Variants in MAF observed in about 807,000 individuals in gnomAD.
The protein encoded by MAF is MAF bZIP transcription factor.
Under a neutral mutation model 22.0 loss-of-function variants are expected in MAF, and 10 were observed. That is an observed-to-expected ratio of 0.45 (90% CI 0.28 to 0.77). The LOEUF is 0.77. Among genes scored for constraint, MAF ranks in the 30% least tolerant of loss-of-function variants. The probability of loss-of-function intolerance (pLI) is 0.12; values close to 1 mark genes in which losing one functional copy is unlikely to be tolerated. For missense variants in MAF, 544 were observed against 548.4 expected, an observed-to-expected ratio of 0.99 and a Z score of 0.08; for synonymous variants, 337 against 255.8, an observed-to-expected ratio of 1.32 and a Z score of -3.03.
At chr16:79,500,463 A>G in the MAF span, among the ~76,000 whole-genome samples, 12 of 152,134 alleles carry the variant, frequency 7.9e-5, no homozygotes, top group Non-Finnish European at 1.2e-4. Context: ...CGCAGACACC[A>G]TGTGTCATAC....
the MAF span, among the ~76,000 whole-genome samples, chr16:79,267,496 C>T: frequency 5.0e-3 from 760 of 152,266 alleles, 5 homozygotes; most frequent in Admixed American, 7.6e-3. Flanking sequence ...CCCGCTGCTG[C>T]GGGGCTGTTG....
the MAF span, among the ~76,000 whole-genome samples, chr16:79,456,487 T>A: frequency 6.6e-6 from 1 of 152,088 alleles, no homozygotes; most frequent in African/African-American, 2.4e-5. Context: ...TCCAGTGGGA[T>A]CCCCTTACAT....
the MAF span, among the ~76,000 whole-genome samples, chr16:79,232,661 A>G: frequency 6.6e-6 from 1 of 151,934 alleles, no homozygotes; most frequent in East Asian, 1.9e-4. Context: ...CAAAATAAAA[A>G]TAGTCAATTC....
chr16:79,307,407 G>A, the MAF span, among the ~76,000 whole-genome samples: 1 of 152,212 alleles, frequency 6.6e-6, no homozygotes, highest in Non-Finnish European at 1.5e-5. Context: ...CTCACGGGCT[G>A]GACTTCTGCT....
At chr16:79,211,836 G>C in the MAF span, 3 of 1,612,624 alleles carry the variant, frequency 1.9e-6, no homozygotes, top group Middle Eastern at 1.6e-4. Context: ...CCCGCCCTGT[G>C]TGTGTCCCCT....
the MAF span, among the ~76,000 whole-genome samples, chr16:79,402,305 G>T: frequency 6.6e-6 from 1 of 152,196 alleles, no homozygotes; most frequent in African/African-American, 2.4e-5. Context: ...GTTACCCAGG[G>T]TTTAAACCCA....
chr16:79,408,328 C>A, the MAF span, among the ~76,000 whole-genome samples: 1 of 151,962 alleles, frequency 6.6e-6, no homozygotes, highest in Admixed American at 6.6e-5. Flanking sequence ...AGGTGCCTGC[C>A]ACCACGCCCA....
chr16:79,224,668 G>C, the MAF span, among the ~76,000 whole-genome samples: 2 of 152,138 alleles, frequency 1.3e-5, no homozygotes, highest in South Asian at 2.1e-4. Flanking sequence ...AAAGTCTCAG[G>C]ATACAAAATC....
Position 79,599,297 on chromosome 16 carries a change from GGCGCCGGGC to G in MAF, c.597_605del (p.Pro200_Ala202del). The G allele has an allele frequency of 7.1e-6, 7 of 980,332 alleles. No individual in the cohort carries two copies. Among genetic ancestry groups the G allele is most frequent in the Non-Finnish European group, 7.2e-6 (6 of 828,328 alleles). The allele number at this position is 980,332 out of a possible 1,614,324, so 60.7% of individuals were successfully genotyped here. A position where few individuals can be genotyped will look rare whatever the true frequency, so the allele number is the denominator to read the frequency against. On this transcript the variant is annotated inframe_deletion, in exon 1 of 2. Coordinates refer to ENST00000326043, the MANE Select transcript of MAF (RefSeq NM_005360.5). ...CGGCCGAGGCGGCCGCGCTGCCCGC[GGCGCCGGGC>G]GCGCCGGCCGTCGGGTGGTGGTGGT...
chr16:79,455,215 C>T, the MAF span, among the ~76,000 whole-genome samples: 1 of 152,102 alleles, frequency 6.6e-6, no homozygotes, highest in African/African-American at 2.4e-5. Context: ...CTATCAGTAT[C>T]CTCAAAGTGA....
At chr16:79,308,680 A>G in the MAF span, among the ~76,000 whole-genome samples, 2 of 152,212 alleles carry the variant, frequency 1.3e-5, no homozygotes, top group African/African-American at 4.8e-5. Flanking sequence ...TGTCTTTGAC[A>G]AGCATATCCT....
At chr16:79,375,643 C>T in the MAF span, among the ~76,000 whole-genome samples, 435 of 152,198 alleles carry the variant, frequency 2.9e-3, 1 homozygote, top group Non-Finnish European at 1.4e-3. Context: ...GTATTTAATG[C>T]ACATCCCAGG....
chr16:79,402,606 C>G, the MAF span, among the ~76,000 whole-genome samples: 6 of 152,306 alleles, frequency 3.9e-5, no homozygotes, highest in South Asian at 1.0e-3. Context: ...CAGAGGAAGG[C>G]CAAGGTTAGC....
chr16:79,237,774 C>T, the MAF span, among the ~76,000 whole-genome samples: 1 of 152,102 alleles, frequency 6.6e-6, no homozygotes, highest in African/African-American at 2.4e-5. Context: ...GCCCTTGATC[C>T]ACCAGTGGCT....
chr16:79,569,045 C>A, the MAF span, among the ~76,000 whole-genome samples: 1 of 152,168 alleles, frequency 6.6e-6, no homozygotes, highest in African/African-American at 2.4e-5. Context: ...CACTTCCTGC[C>A]TAAGTCCCTG....
At chr16:79,247,330 T>A in the MAF span, among the ~76,000 whole-genome samples, 1 of 152,204 alleles carries the variant, frequency 6.6e-6, no homozygotes, top group African/African-American at 2.4e-5. Context: ...TGAATATGGA[T>A]TTGATATCTT....
At chr16:79,228,740 G>C in the MAF span, among the ~76,000 whole-genome samples, 3 of 152,006 alleles carry the variant, frequency 2.0e-5, 1 homozygote, top group Non-Finnish European at 4.4e-5. Flanking sequence ...CACTTAGGCT[G>C]AGTTACAAGG....
the MAF span, among the ~76,000 whole-genome samples, chr16:79,500,123 C>T: frequency 6.6e-6 from 1 of 152,208 alleles, no homozygotes; most frequent in Non-Finnish European, 1.5e-5. Flanking sequence ...CCGCTGACAC[C>T]TCAGTTTCAG....
the MAF span, among the ~76,000 whole-genome samples, chr16:79,319,631 T>C: frequency 1.3e-5 from 2 of 152,176 alleles, no homozygotes; most frequent in African/African-American, 4.8e-5. Context: ...TTTCTCTGAT[T>C]ATTCTTAAAC....
Sources: gnomAD v4.1 joint callset for allele counts (sites outside exome capture counted in the v4.1 genomes callset) on GRCh38, gnomAD v4.1.1 for gene constraint, MANE v1.5 for transcripts, NCBI Gene and HGNC (gene_info 2026-07-23, HGNC 2026-07-21) for gene names.